The following TTI2 variants were observed in gnomAD, a reference collection of about 807,000 sequenced individuals.
TTI2 encodes TELO2-interacting protein 2.
A neutral mutation model predicts 44.9 loss-of-function variants in TTI2; 26 were observed. The observed-to-expected ratio is 0.58, with a 90% CI of 0.42 to 0.80. TTI2 has a LOEUF of 0.80. Ranked by LOEUF, TTI2 falls within the 30% of genes least tolerant of loss-of-function variation. The pLI is 0.00. For synonymous variants in TTI2, 254 were observed against 250.9 expected (o/e 1.01, Z -0.12); for missense variants, 582 against 611.6 (o/e 0.95, Z 0.51).
In TTI2 at chr8:33,512,286, C is replaced by A. The variant is rs536411985; in HGVS notation, c.328G>T (p.Ala110Ser). ...EGGGDGHSEAAEKAAQVGLLF... is the reference protein window; with the variant it reads ...EGGGDGHSEASEKAAQVGLLF... ...AACCCAACTTGGGCTGCTTTCTCGG[C>A]CGCTTCGGAGTGCCCATCACCTCCA... Residue 110 changes from alanine (A) to serine (S), a missense_variant, in exon 2 of 8, where the codon GCC (alanine) becomes TCC (serine). Transcript: ENST00000431156. 3 of 1,614,214 alleles carry A rather than the reference C, an allele frequency of 1.9e-6. No homozygotes were observed. The Admixed American group carries it at 5.0e-5, about 27-fold the overall frequency.
At chr8:33,501,944 TA>T (rs547630756) in intron 6 of TTI2, among the ~76,000 whole-genome samples, 109 of 152,176 alleles carry the variant, frequency 7.2e-4, no homozygotes, top group African/African-American at 2.5e-3. Flanking sequence ...AAATTTTTAT[TA>T]TTTTTTTTTA....
chr8:33,511,570 T>A (rs1293868274), intron 2 of TTI2, among the ~76,000 whole-genome samples: 1 of 152,084 alleles, frequency 6.6e-6, no homozygotes, highest in Non-Finnish European at 1.5e-5. Context: ...GAAATTGAGC[T>A]TCCTTTGAGG....
chr8:33,504,134 C>G (rs1361538801), intron 4 of TTI2, among the ~76,000 whole-genome samples, 199 bp from the exon 5 acceptor site: 1 of 152,022 alleles, frequency 6.6e-6, no homozygotes, highest in Admixed American at 6.6e-5. Flanking sequence ...ATCTGACAGT[C>G]TCAAATCAAT....
chr8:33,503,660 T>C (rs529608310), intron 5 of TTI2, 88 bp from the exon 6 acceptor site: 10 of 1,609,254 alleles, frequency 6.2e-6, no homozygotes, highest in African/African-American at 1.3e-5. Flanking sequence ...GGAGGATTGC[T>C]TGAGGCCAGG....
chr8:33,499,555 C>T (rs1808987010), intron 7 of TTI2: 1 of 361,126 alleles, frequency 2.8e-6, no homozygotes, highest in African/African-American at 2.1e-5. Flanking sequence ...AAGGCAAATT[C>T]AGTTGGATCT....
intron 4 of TTI2, 73 bp downstream of exon 4, chr8:33,507,156 C>A: frequency 7.7e-7 from 1 of 1,300,184 alleles, no homozygotes; most frequent in Admixed American, 1.8e-5. Context: ...TCAATTACTA[C>A]TACTCACACA....
At chr8:33,508,913 A>G (rs1392443078) in intron 3 of TTI2, among the ~76,000 whole-genome samples, 2 of 151,894 alleles carry the variant, frequency 1.3e-5, no homozygotes, top group African/African-American at 4.8e-5. Context: ...AGCCCAAGAC[A>G]GGCAGATCAC....
intron 3 of TTI2, among the ~76,000 whole-genome samples, chr8:33,508,799 T>G (rs1434213102): frequency 6.6e-6 from 1 of 151,986 alleles, no homozygotes; most frequent in Non-Finnish European, 1.5e-5. Context: ...CACATTTGGA[T>G]ATAGTCCCTT....
chr8:33,510,687 T>C (rs189501997), intron 2 of TTI2, among the ~76,000 whole-genome samples: 1 of 152,288 alleles, frequency 6.6e-6, no homozygotes, highest in Admixed American at 6.5e-5. Context: ...AAGTATATTA[T>C]CTTTATATTA....
chr8:33,506,637 C>T (rs10954915), intron 4 of TTI2, among the ~76,000 whole-genome samples: 83,218 of 150,218 alleles, frequency 0.55, 23,529 homozygotes, highest in Non-Finnish European at 0.61. Context: ...GTGATCCGCC[C>T]GCCTCGGCCT....
intron 5 of TTI2, 77 bp downstream of exon 5, chr8:33,503,671 A>G (rs1042002356): frequency 1.9e-6 from 3 of 1,605,038 alleles, no homozygotes; most frequent in Non-Finnish European, 2.6e-6. Flanking sequence ...TGAGGCCAGG[A>G]GCTCGAGAGC....
In TTI2 at chr8:33,500,335, C is replaced by A; in HGVS notation, c.1415G>T (p.Arg472Leu). Residue 472 changes from arginine (R) to leucine (L), a missense_variant, in exon 7 of 8, where the codon CGG becomes CTG. Transcript: ENST00000431156. ...AGTTTCAGTCTGCCTTACCTTTACC[C>A]GTCCTTGAGAACAGCGGTCCAGGAG... is the stretch of plus-strand genomic sequence containing the variant. The part of the protein sequence containing the change: ...LILLDRCSQG[R>L]VKGLLAKIPQ... 1.9e-6 allele frequency: 3 copies of A among 1,614,036 alleles called. No homozygotes were observed. Among genetic ancestry groups the A allele is most frequent in the South Asian group, 1.1e-5 (1 of 91,064 alleles).
At chr8:33,500,648 C>G (rs1415158446) in intron 6 of TTI2, 158 bp from the exon 7 acceptor site, 1 of 793,024 alleles carries the variant, frequency 1.3e-6, no homozygotes, top group Non-Finnish European at 1.9e-6. Flanking sequence ...CCAAAGACAG[C>G]CTCTAGATTT....
At chr8:33,507,377 T>C (rs1157428808) in intron 3 of TTI2, 56 bp from the exon 4 acceptor site, 1 of 1,456,544 alleles carries the variant, frequency 6.9e-7, no homozygotes, top group Non-Finnish European at 9.6e-7. Flanking sequence ...TTGGCACATG[T>C]TGACTATCTT....
At chr8:33,511,913 TA>T (rs1809541212) in intron 2 of TTI2, 53 bp downstream of exon 2, 11 of 1,567,670 alleles carry the variant, frequency 7.0e-6, no homozygotes, top group Non-Finnish European at 8.7e-6. Flanking sequence ...TAATAAAAAA[TA>T]AAAATAAAAA....
At chr8:33,507,853 G>A (rs1809355568) in intron 3 of TTI2, among the ~76,000 whole-genome samples, 1 of 151,218 alleles carries the variant, frequency 6.6e-6, no homozygotes, top group African/African-American at 2.4e-5. Flanking sequence ...AGTTGGCCTG[G>A]TGGTGCATGC....
intron 4 of TTI2, among the ~76,000 whole-genome samples, chr8:33,505,218 C>T (rs796608773): frequency 1.1e-4 from 17 of 151,750 alleles, no homozygotes; most frequent in African/African-American, 3.9e-4. Flanking sequence ...GCAAGATCCA[C>T]CTCAAAAAAA....
chr8:33,508,359 T>C (rs559789451), intron 3 of TTI2, among the ~76,000 whole-genome samples: 1 of 151,914 alleles, frequency 6.6e-6, no homozygotes, highest in South Asian at 2.1e-4. Flanking sequence ...CCCAGCACTT[T>C]AGGAGGCCGA....
chr8:33,501,982 C>T (rs1809097666), intron 6 of TTI2, among the ~76,000 whole-genome samples: 1 of 152,100 alleles, frequency 6.6e-6, no homozygotes, highest in African/African-American at 2.4e-5. Context: ...CTCGCTCCGT[C>T]ACCCAGTCTG....
Sources: allele counts gnomAD v4.1 joint callset (sites outside exome capture counted in the v4.1 genomes callset), GRCh38; gene constraint gnomAD v4.1.1; transcripts MANE v1.5; gene names NCBI Gene and HGNC (gene_info 2026-07-23, HGNC 2026-07-21).